ATP11B: variants seen among roughly 807,000 people sequenced by gnomAD.
ATP11B encodes ATPase phospholipid transporting 11B (putative), also known as phospholipid-transporting ATPase IF.
Under a neutral mutation model 157.8 loss-of-function variants are expected in ATP11B, and 81 were observed. The observed-to-expected ratio is 0.51, with a 90% CI of 0.43 to 0.62. The LOEUF is 0.62. Ranked by LOEUF, ATP11B falls within the 20% of genes least tolerant of loss-of-function variation. The probability of loss-of-function intolerance (pLI) is 0.00; values close to 1 mark genes in which losing one functional copy is unlikely to be tolerated. For synonymous variants in ATP11B, 451 were observed against 469.4 expected, an observed-to-expected ratio of 0.96 and a Z score of 0.51; for missense variants, 1,165 against 1,402.2, an observed-to-expected ratio of 0.83 and a Z score of 2.70.
At chr3:182,813,233 A>G (rs777462075) in intron 1 of ATP11B, among the ~76,000 whole-genome samples, 8 of 152,194 alleles carry the variant, frequency 5.3e-5, no homozygotes, top group Non-Finnish European at 1.0e-4. Context: ...GTATATACCC[A>G]GAAGTAGAAT....
At chr3:182,849,293 A>G (rs1031598412) in intron 10 of ATP11B, among the ~76,000 whole-genome samples, 1 of 152,218 alleles carries the variant, frequency 6.6e-6, no homozygotes, top group Non-Finnish European at 1.5e-5. Context: ...GGTGAAGTTA[A>G]CTTCCTACTG....
chr3:182,813,057 T>A (rs1175420631), intron 1 of ATP11B, among the ~76,000 whole-genome samples: 1 of 152,242 alleles, frequency 6.6e-6, no homozygotes, highest in African/African-American at 2.4e-5. Context: ...TTCTTCCTTT[T>A]TAATGCTGTA....
intron 28 of ATP11B, among the ~76,000 whole-genome samples, chr3:182,906,712 A>C (rs1402279937): frequency 1.3e-5 from 2 of 151,782 alleles, no homozygotes; most frequent in East Asian, 3.9e-4. Context: ...CAGCCTCCCA[A>C]AGTGCTGGGA....
At chr3:182,882,728 C>A (rs1722513460) in intron 21 of ATP11B, among the ~76,000 whole-genome samples, 1 of 151,594 alleles carries the variant, frequency 6.6e-6, no homozygotes. Flanking sequence ...TAAAAGCTCC[C>A]AAAACAAATT....
intron 4 of ATP11B, among the ~76,000 whole-genome samples, chr3:182,835,583 A>G (rs1052435430): frequency 6.6e-6 from 1 of 152,164 alleles, no homozygotes; most frequent in African/African-American, 2.4e-5. Context: ...TATGTTTAAG[A>G]CATTTATGAG....
chr3:182,915,210 TA>T, intron 29 of ATP11B: 1 of 985,450 alleles, frequency 1.0e-6, no homozygotes, highest in Non-Finnish European at 1.2e-6. Context: ...GCCATGCCTT[TA>T]TGATACAATT....
chr3:182,894,649 A>T (rs1305076909), intron 25 of ATP11B, among the ~76,000 whole-genome samples: 1 of 152,246 alleles, frequency 6.6e-6, no homozygotes, highest in Admixed American at 6.5e-5. Flanking sequence ...AGCTATGTGA[A>T]TGCTTTTGTA....
intron 1 of ATP11B, among the ~76,000 whole-genome samples, chr3:182,811,083 TAATG>T (rs139338779): frequency 0.51 from 76,912 of 151,606 alleles, 22,144 homozygotes; most frequent in Non-Finnish European, 0.65. Flanking sequence ...ACACTGGACA[TAATG>T]AATAATCAGA....
intron 5 of ATP11B, 35 bp from the exon 6 acceptor site, chr3:182,836,307 T>C: frequency 6.2e-7 from 1 of 1,611,906 alleles, no homozygotes; most frequent in Non-Finnish European, 8.5e-7. Flanking sequence ...CCTTTTAAAA[T>C]TTATAAATTC....
At chr3:182,823,594 G>A (rs1439059147) in intron 2 of ATP11B, among the ~76,000 whole-genome samples, 7 of 152,258 alleles carry the variant, frequency 4.6e-5, no homozygotes, top group South Asian at 2.1e-4. Flanking sequence ...TCTTGGCAAT[G>A]CGGGCTCTTT....
chr3:182,860,139 G>A (rs1219779885), intron 12 of ATP11B, among the ~76,000 whole-genome samples: 1 of 152,076 alleles, frequency 6.6e-6, no homozygotes, highest in African/African-American at 2.4e-5. Flanking sequence ...CTTCCTACCT[G>A]TGGCTTATTC....
intron 1 of ATP11B, among the ~76,000 whole-genome samples, chr3:182,800,889 G>A (rs1440170352): frequency 4.6e-4 from 9 of 19,702 alleles, no homozygotes; most frequent in Admixed American, 3.2e-3. Flanking sequence ...CCCCAGCCCC[G>A]CCCAGATTCA....
chr3:182,813,009 C>A (rs926280124), intron 1 of ATP11B, among the ~76,000 whole-genome samples: 1 of 152,132 alleles, frequency 6.6e-6, no homozygotes, highest in Non-Finnish European at 1.5e-5. Context: ...AGCATAATGT[C>A]CTTAAGGTTG....
intron 1 of ATP11B, among the ~76,000 whole-genome samples, chr3:182,819,678 A>G (rs1350499964): frequency 6.6e-6 from 1 of 152,214 alleles, no homozygotes; most frequent in African/African-American, 2.4e-5. Flanking sequence ...AGTCTGGGCA[A>G]GACCCTACCT....
chr3:182,918,541 AT>A lies in ATP11B; in HGVS notation c.*444del. 1 of 394,300 alleles carries A rather than the reference AT, an allele frequency of 2.5e-6. No homozygotes were observed. The highest frequency in any genetic ancestry group is 4.5e-6 in the Non-Finnish European group (1 of 223,446). 24.4% of individuals were successfully genotyped at this position (394,300 alleles called of 1,614,324 possible). A position where few individuals can be genotyped will look rare whatever the true frequency, so the allele number is the denominator to read the frequency against. ...GCTGAAAGTTTGCCTTGAGAACTCT[AT>A]TTTTTTATTAGAGTTATATTTAAAG... On this transcript the variant is annotated 3_prime_UTR_variant, in exon 30 of 30. Transcript: ENST00000323116.
intron 1 of ATP11B, among the ~76,000 whole-genome samples, chr3:182,815,076 T>C (rs1288387355): frequency 6.6e-6 from 1 of 152,160 alleles, no homozygotes; most frequent in Non-Finnish European, 1.5e-5. Flanking sequence ...ATTTGAGAAT[T>C]TTTGAGTTAT....
chr3:182,893,413 T>C (rs1190410834), intron 25 of ATP11B, among the ~76,000 whole-genome samples: 1 of 152,146 alleles, frequency 6.6e-6, no homozygotes, highest in Non-Finnish European at 1.5e-5. Context: ...ATAGCTTAGC[T>C]TCCACTTATG....
chr3:182,827,863 G>A (rs1717831148), intron 2 of ATP11B, among the ~76,000 whole-genome samples: 1 of 151,642 alleles, frequency 6.6e-6, no homozygotes, highest in Non-Finnish European at 1.5e-5. Flanking sequence ...CTGGAATTTA[G>A]TAGCAAAATT....
At position 182,859,189 on chromosome 3, in the gene ATP11B, G is replaced by T. The variant is rs761367118; in HGVS notation, c.1030G>T (p.Ala344Ser). ...TCTGAGATTTATTTCAGACTTCCTT[G>T]CTTTTTTGGTTCTCTACAATTTCAT... ...KILRFISDFLAFLVLYNFIIP... is the reference protein window; with the variant it reads ...KILRFISDFLSFLVLYNFIIP... Residue 344 changes from alanine (A) to serine (S), a missense_variant, in exon 12 of 30, where the codon GCT (alanine) becomes TCT (serine). By Grantham distance (99) the Ala-to-Ser change is moderately conservative (BLOSUM62 1). Around this residue, in one of 4 missense-constraint regions of ATP11B, gnomAD observed 737 missense variants for 930.5 expected, o/e 0.79. Transcript: ENST00000323116. The T allele has an allele frequency of 2.5e-6, 4 of 1,605,438 alleles. No individual in the cohort carries two copies. Among genetic ancestry groups the T allele is most frequent in the Non-Finnish European group, 3.4e-6 (4 of 1,175,722 alleles).
Sources: allele counts gnomAD v4.1 joint callset (sites outside exome capture counted in the v4.1 genomes callset), GRCh38; gene constraint gnomAD v4.1.1; regional missense constraint gnomAD v4.1.1; transcripts MANE v1.5; gene names NCBI Gene and HGNC (gene_info 2026-07-23, HGNC 2026-07-21).